NXPE2: variants seen among roughly 807,000 people sequenced by gnomAD.
The protein encoded by NXPE2 is neurexophilin and PC-esterase domain family member 2, also known as NXPE family member 2.
NXPE2 carries 34 observed loss-of-function variants against 34.4 expected under a neutral mutation model. The ratio of observed to expected loss-of-function variants is 0.99; its 90% confidence interval spans 0.75 to 1.31. The LOEUF (loss-of-function observed/expected upper bound fraction) is 1.31. Among genes scored for constraint, NXPE2 ranks in the 40% most tolerant of loss-of-function variants. The pLI is 0.00. For synonymous variants in NXPE2, 235 were observed against 231.3 expected, an observed-to-expected ratio of 1.02 and a Z score of -0.15; for missense variants, 649 against 672.5, an observed-to-expected ratio of 0.97 and a Z score of 0.39.
At chr11:114,772,780 G>A in the NXPE2 span, among the ~76,000 whole-genome samples, 1 of 152,124 alleles carries the variant, frequency 6.6e-6, no homozygotes. Flanking sequence ...CTTGGCTCAT[G>A]GAGACAGTCA....
At chr11:114,503,972 G>A in the NXPE2 span, among the ~76,000 whole-genome samples, 1 of 152,216 alleles carries the variant, frequency 6.6e-6, no homozygotes, top group Admixed American at 6.5e-5. Flanking sequence ...GGGCTCTGGA[G>A]GCCCACACCA....
At chr11:114,553,961 C>A in the NXPE2 span, 57 of 985,334 alleles carry the variant, frequency 5.8e-5, no homozygotes, top group African/African-American at 9.6e-4. Flanking sequence ...TGTCAGTATA[C>A]CCCTGCTCAT....
chr11:114,568,129 A>G, the NXPE2 span, among the ~76,000 whole-genome samples: 2 of 152,164 alleles, frequency 1.3e-5, no homozygotes, highest in African/African-American at 4.8e-5. Context: ...TTCTGAATGT[A>G]TCTTTCTATC....
At chr11:114,648,204 G>C in the NXPE2 span, among the ~76,000 whole-genome samples, 1 of 152,034 alleles carries the variant, frequency 6.6e-6, no homozygotes, top group Non-Finnish European at 1.5e-5. Context: ...GATTCAGGGA[G>C]GGGCCCCGAG....
the NXPE2 span, among the ~76,000 whole-genome samples, chr11:114,564,785 C>T: frequency 1.3e-5 from 2 of 152,124 alleles, no homozygotes; most frequent in Non-Finnish European, 2.9e-5. Flanking sequence ...TGATCTTTAG[C>T]TAATTCTGGA....
the NXPE2 span, among the ~76,000 whole-genome samples, chr11:114,510,277 G>C: frequency 2.6e-5 from 4 of 152,124 alleles, no homozygotes; most frequent in Non-Finnish European, 5.9e-5. Flanking sequence ...ACCTAGGCTG[G>C]AGTGCAGTGG....
the NXPE2 span, among the ~76,000 whole-genome samples, chr11:114,807,797 T>C: frequency 6.6e-6 from 1 of 151,870 alleles, no homozygotes; most frequent in Non-Finnish European, 1.5e-5. Flanking sequence ...GACAGAAAGT[T>C]AACAAGGATA....
At chr11:114,562,430 GTC>G in the NXPE2 span, among the ~76,000 whole-genome samples, 1 of 152,212 alleles carries the variant, frequency 6.6e-6, no homozygotes, top group Admixed American at 6.5e-5. Context: ...CCTCATGGCT[GTC>G]TCTGTTAAAC....
chr11:114,549,789 T>A, the NXPE2 span, among the ~76,000 whole-genome samples: 1 of 152,030 alleles, frequency 6.6e-6, no homozygotes, highest in African/African-American at 2.4e-5. Context: ...ATAAAAATAA[T>A]CTTTATTTTC....
the NXPE2 span, among the ~76,000 whole-genome samples, chr11:114,638,288 T>C: frequency 6.6e-6 from 1 of 152,096 alleles, no homozygotes; most frequent in Non-Finnish European, 1.5e-5. Context: ...CTTCATGTAG[T>C]TCTCGAGCCT....
chr11:114,500,396 A>G, the NXPE2 span, among the ~76,000 whole-genome samples: 1 of 152,094 alleles, frequency 6.6e-6, no homozygotes, highest in Non-Finnish European at 1.5e-5. Flanking sequence ...CTTATTGGCC[A>G]TTCATATACT....
the NXPE2 span, among the ~76,000 whole-genome samples, chr11:114,712,758 C>A: frequency 6.6e-6 from 1 of 152,136 alleles, no homozygotes; most frequent in Non-Finnish European, 1.5e-5. Context: ...ATCCAACAAT[C>A]CCACTGTGGC....
the NXPE2 span, among the ~76,000 whole-genome samples, chr11:114,579,094 C>T: frequency 6.6e-5 from 10 of 152,158 alleles, no homozygotes; most frequent in Non-Finnish European, 1.3e-4. Flanking sequence ...AGCATGGCAT[C>T]GGCATCTGTT....
the NXPE2 span, among the ~76,000 whole-genome samples, chr11:114,557,210 G>T: frequency 6.6e-6 from 1 of 152,024 alleles, no homozygotes; most frequent in Admixed American, 6.6e-5. Context: ...TTGACCTCTT[G>T]TGTATTAGTC....
At chr11:114,755,155 G>C in the NXPE2 span, among the ~76,000 whole-genome samples, 98 of 152,272 alleles carry the variant, frequency 6.4e-4, 2 homozygotes, top group East Asian at 7.5e-3. Context: ...GAAAAATGGG[G>C]TTGGAGATTG....
chr11:114,637,318 A>T, the NXPE2 span, among the ~76,000 whole-genome samples: 1 of 151,714 alleles, frequency 6.6e-6, no homozygotes, highest in African/African-American at 2.4e-5. Context: ...TTTGCTTGGT[A>T]GATCTTCCTC....
chr11:114,547,940 C>A, the NXPE2 span, among the ~76,000 whole-genome samples: 23 of 151,878 alleles, frequency 1.5e-4, no homozygotes, highest in African/African-American at 5.1e-4. Context: ...AATATTCTTA[C>A]AATTTTTCTG....
the NXPE2 span, among the ~76,000 whole-genome samples, chr11:114,714,304 C>A: frequency 6.6e-6 from 1 of 152,122 alleles, no homozygotes; most frequent in African/African-American, 2.4e-5. Context: ...TACTGGAAAC[C>A]AATATCTTGT....
intron 2 of NXPE2, among the ~76,000 whole-genome samples, chr11:114,694,891 A>G (rs1951219817): frequency 6.6e-6 from 1 of 151,874 alleles, no homozygotes. Context: ...AATCATAGTT[A>G]TTTTAAATTT....
Sources: gnomAD v4.1 joint callset for allele counts (sites outside exome capture counted in the v4.1 genomes callset) on GRCh38, gnomAD v4.1.1 for gene constraint, MANE v1.5 for transcripts, NCBI Gene and HGNC (gene_info 2026-07-23, HGNC 2026-07-21) for gene names.